BLOC1S6: variants seen among roughly 807,000 people sequenced by gnomAD.
BLOC1S6 encodes the protein biogenesis of lysosomal organelles complex 1 subunit 6.
Under a neutral mutation model 24.7 loss-of-function variants are expected in BLOC1S6, and 24 were observed. That is an observed-to-expected ratio of 0.97 (90% CI 0.70 to 1.37). The LOEUF (loss-of-function observed/expected upper bound fraction) is 1.37, where lower values mean the gene tolerates loss of function less well. Ranked by LOEUF, BLOC1S6 falls within the 40% of genes most tolerant of loss-of-function variation. The pLI, the probability that BLOC1S6 is intolerant of heterozygous loss-of-function variation, is 0.00. For synonymous variants in BLOC1S6, 76 were observed against 72.6 expected, an observed-to-expected ratio of 1.05 and a Z score of -0.23; for missense variants, 175 against 196.2, an observed-to-expected ratio of 0.89 and a Z score of 0.64.
chr15:45,595,624 T>G (rs781162873), intron 2 of BLOC1S6, among the ~76,000 whole-genome samples: 73 of 152,204 alleles, frequency 4.8e-4, no homozygotes, highest in Middle Eastern at 3.4e-3. Context: ...GTTTTTAATT[T>G]TAATAAATTT....
At chr15:45,605,956 T>C (rs899109575) in intron 4 of BLOC1S6, among the ~76,000 whole-genome samples, 1 of 152,174 alleles carries the variant, frequency 6.6e-6, no homozygotes, top group African/African-American at 2.4e-5. Flanking sequence ...TACATTGTTT[T>C]CTTTTTAAAA....
At chr15:45,605,746 C>T in intron 4 of BLOC1S6, 1 of 430,776 alleles carries the variant, frequency 2.3e-6, no homozygotes, top group Non-Finnish European at 4.3e-6. Context: ...CCCGCCACCA[C>T]ACCCACCTAA....
intron 2 of BLOC1S6, among the ~76,000 whole-genome samples, chr15:45,593,914 T>C (rs1893978561): frequency 1.3e-5 from 2 of 152,176 alleles, no homozygotes; most frequent in Non-Finnish European, 2.9e-5. Flanking sequence ...TGAAAAAGAT[T>C]ACACAGGTAG....
intron 2 of BLOC1S6, among the ~76,000 whole-genome samples, chr15:45,602,014 C>T (rs767567407): frequency 1.1e-4 from 17 of 152,044 alleles, no homozygotes; most frequent in South Asian, 4.1e-4. Context: ...CCAAGTAGCT[C>T]GGACCACAGG....
In BLOC1S6 at chr15:45,592,162, G is replaced by A. The variant is rs1893910592; in HGVS notation, c.110G>A (p.Gly37Glu). The change falls in exon 2 of 5, where the codon GGG becomes GAG. Residue 37 changes from glycine (G) to glutamate (E), a missense_variant. Gly to Glu is a moderately conservative substitution (Grantham distance 98, BLOSUM62 -2). Coordinates refer to ENST00000220531, the MANE Select transcript of BLOC1S6 (RefSeq NM_012388.4). ...TTAAGTGACACTTCTCCAGATGAAG[G>A]GTTAATAGAGGACTTGACTATAGAA... ...PGLSDTSPDE[G>E]LIEDLTIEDK... 3 of 1,614,102 alleles carry A rather than the reference G, an allele frequency of 1.9e-6. No individual in the cohort carries two copies. The highest frequency in any genetic ancestry group is 2.2e-5 in the South Asian group (2 of 91,086).
chr15:45,605,412 A>G lies in BLOC1S6; in HGVS notation c.313-16A>G. 2 of 1,584,522 alleles carry G rather than the reference A, an allele frequency of 1.3e-6. No individual in the cohort carries two copies. The highest frequency in any genetic ancestry group is 1.7e-6 in the Non-Finnish European group (2 of 1,154,348). On this transcript the variant is annotated splice_polypyrimidine_tract_variant and intron_variant, in intron 3 of 4. Coordinates refer to ENST00000220531, the MANE Select transcript of BLOC1S6 (RefSeq NM_012388.4). ...TCTATTTTAACTTGACTTTTCATTT[A>G]TTTTTCCATGTTAAGTTTGCTGAGG... is the stretch of plus-strand genomic sequence containing the variant.
At chr15:45,587,237 G>C, upstream of BLOC1S6, 2 of 624,814 alleles carry the variant, frequency 3.2e-6, no homozygotes, top group Non-Finnish European at 5.8e-6. Flanking sequence ...TCCGGGGCCA[G>C]ACGACGATAT....
upstream of BLOC1S6, chr15:45,587,376 G>C (rs981758172): frequency 2.1e-6 from 3 of 1,448,842 alleles, no homozygotes; most frequent in East Asian, 7.4e-5. Flanking sequence ...CGCTGGAGTC[G>C]TTAGGTGCCG....
intron 2 of BLOC1S6, among the ~76,000 whole-genome samples, chr15:45,596,214 T>C (rs1006369249): frequency 6.6e-6 from 1 of 152,138 alleles, no homozygotes; most frequent in African/African-American, 2.4e-5. Flanking sequence ...TTGTTGTTGT[T>C]TGAGACAGGG....
chr15:45,589,697 C>G (rs1893812575), intron 1 of BLOC1S6, among the ~76,000 whole-genome samples: 2 of 152,196 alleles, frequency 1.3e-5, no homozygotes, highest in South Asian at 4.1e-4. Flanking sequence ...GTTCAGCAAA[C>G]CTTTCTCGTA....
At chr15:45,600,815 C>G (rs1262739934) in intron 2 of BLOC1S6, among the ~76,000 whole-genome samples, 2 of 152,168 alleles carry the variant, frequency 1.3e-5, no homozygotes, top group Non-Finnish European at 2.9e-5. Context: ...ATGCTAGCCT[C>G]ATAGAATGAG....
intron 4 of BLOC1S6, 59 bp downstream of exon 4, chr15:45,605,573 G>GTTTT: frequency 1.3e-5 from 11 of 824,730 alleles, no homozygotes; most frequent in Admixed American, 3.2e-5. Context: ...GTTTTTTGTT[G>GTTTT]TTTTTTTTTT....
At position 45,607,285 on chromosome 15, in the gene BLOC1S6, A is replaced by G. The variant is rs766108879; in HGVS notation, c.*771A>G. Reference sequence around the variant, plus strand: ...GCCAGATAGTTTCTACTAACCATATACTCTTTCTGCTTCTTAGCGTCGTTG... The same window carrying G: ...GCCAGATAGTTTCTACTAACCATATGCTCTTTCTGCTTCTTAGCGTCGTTG... On this transcript the variant is annotated 3_prime_UTR_variant, in exon 5 of 5. Coordinates refer to ENST00000220531, the MANE Select transcript of BLOC1S6 (RefSeq NM_012388.4). 3 of 152,006 alleles carry G rather than the reference A, an allele frequency of 2.0e-5. No homozygotes were observed. The highest frequency in any genetic ancestry group is 4.4e-5 in the Non-Finnish European group (3 of 68,024). 9.4% of individuals were successfully genotyped at this position (152,006 alleles called of 1,614,324 possible).
chr15:45,605,597 T>G, intron 4 of BLOC1S6, 83 bp downstream of exon 4: 1 of 1,092,360 alleles, frequency 9.2e-7, no homozygotes, highest in Non-Finnish European at 1.3e-6. Context: ...TCAGTATTCT[T>G]TTTTTTTTTG....
At chr15:45,604,655 C>G (rs1894388580) in intron 3 of BLOC1S6, among the ~76,000 whole-genome samples, 2 of 152,188 alleles carry the variant, frequency 1.3e-5, no homozygotes, top group African/African-American at 4.8e-5. Context: ...ACTGTAACTT[C>G]TGAGCTAATC....
At chr15:45,602,385 C>T in intron 2 of BLOC1S6, 1 of 675,748 alleles carries the variant, frequency 1.5e-6, no homozygotes, top group Non-Finnish European at 2.7e-6. Flanking sequence ...GGTAGGTGAC[C>T]CTTTTAATGT....
chr15:45,587,324 C>G, upstream of BLOC1S6: 30 of 1,001,654 alleles, frequency 3.0e-5, 1 homozygote, highest in South Asian at 3.9e-4. Flanking sequence ...TTTTTTCGCC[C>G]CCGTCACTTC....
At chr15:45,587,366 C>T (rs758362537), upstream of BLOC1S6, 7 of 1,372,848 alleles carry the variant, frequency 5.1e-6, no homozygotes, top group African/African-American at 4.3e-5. Context: ...TCCGGCCAGC[C>T]GCTGGAGTCG....
intron 3 of BLOC1S6, among the ~76,000 whole-genome samples, chr15:45,604,294 C>T (rs1165734094): frequency 2.6e-5 from 4 of 152,116 alleles, no homozygotes; most frequent in Non-Finnish European, 5.9e-5. Flanking sequence ...AGATGGTTTA[C>T]TAATGTTTTC....
Sources: gnomAD v4.1 joint callset for allele counts (sites outside exome capture counted in the v4.1 genomes callset) on GRCh38, gnomAD v4.1.1 for gene constraint, MANE v1.5 for transcripts, NCBI Gene and HGNC (gene_info 2026-07-23, HGNC 2026-07-21) for gene names.